RILPL2: variants seen among roughly 807,000 people sequenced by gnomAD.
RILPL2 encodes the protein Rab interacting lysosomal protein like 2, also known as RILP-like protein 2.
RILPL2 carries 19 observed loss-of-function variants against 22.2 expected under a neutral mutation model. The ratio of observed to expected loss-of-function variants is 0.86; its 90% CI spans 0.60 to 1.25. RILPL2 has a LOEUF of 1.25. RILPL2 is among the 50% of genes most tolerant of loss of function. The probability of loss-of-function intolerance (pLI) is 0.00; values close to 1 mark genes in which losing one functional copy is unlikely to be tolerated. For synonymous variants in RILPL2, 123 were observed against 111.6 expected (o/e 1.10, Z -0.64); for missense variants, 243 against 263.6 (o/e 0.92, Z 0.54).
chr12:123,424,380 G>A (rs1219070920), intron 2 of RILPL2, among the ~76,000 whole-genome samples: 2 of 139,702 alleles, frequency 1.4e-5, no homozygotes, highest in Non-Finnish European at 3.0e-5. Context: ...CGCCCAGACT[G>A]GAGTGCAGTG....
At chr12:123,419,096 T>C (rs1879203876) in intron 3 of RILPL2, among the ~76,000 whole-genome samples, 1 of 151,286 alleles carries the variant, frequency 6.6e-6, no homozygotes, top group South Asian at 2.1e-4. Flanking sequence ...CTGCAAGCTC[T>C]GCCTGCTGGG....
Position 123,430,515 on chromosome 12 carries a change from A to T in RILPL2, c.484T>A (p.Tyr162Asn), listed in dbSNP as rs758083924. Residue 162 changes from tyrosine (Y) to asparagine (N), a missense_variant, in exon 2 of 4, where the codon TAC (tyrosine) becomes AAC (asparagine). Physicochemically the swap from Tyr to Asn is moderately radical, Grantham distance 143. Coordinates refer to ENST00000280571, the MANE Select transcript of RILPL2 (RefSeq NM_145058.3). ...LLVVQEELQC[Y>N]KSGLIPPREG... ...CCAGGCAGTGGAGCCCACCTCTTGT[A>T]GCACTGCAGCTCTTCCTGCACCACC... 2 of 1,605,368 alleles carry T rather than the reference A, an allele frequency of 1.2e-6. No individual in the cohort carries two copies. The highest frequency in any genetic ancestry group is 4.5e-5 in the East Asian group (2 of 44,184).
intron 2 of RILPL2, among the ~76,000 whole-genome samples, chr12:123,427,221 G>A (rs1593492411): frequency 6.6e-6 from 1 of 152,116 alleles, no homozygotes; most frequent in Non-Finnish European, 1.5e-5. Flanking sequence ...CAGCAGGTGC[G>A]CCCTGGTTCT....
At chr12:123,419,286 G>A (rs1031802044) in intron 3 of RILPL2, among the ~76,000 whole-genome samples, 3 of 152,036 alleles carry the variant, frequency 2.0e-5, no homozygotes, top group African/African-American at 7.2e-5. Context: ...GCCTCCCAAA[G>A]TGCTGGGATT....
chr12:123,434,584 C>T (rs558640692), intron 1 of RILPL2, among the ~76,000 whole-genome samples: 12 of 151,974 alleles, frequency 7.9e-5, no homozygotes, highest in South Asian at 2.1e-4. Context: ...CCACCACGCC[C>T]GGCTAATTTT....
At chr12:123,411,523 C>A (rs1269026971), downstream of RILPL2, 1 of 148,142 alleles carries the variant, frequency 6.8e-6, no homozygotes, top group African/African-American at 2.5e-5. Context: ...CAACCACCTC[C>A]TGTGCCTTCT....
At chr12:123,434,158 C>A (rs976967253) in intron 1 of RILPL2, among the ~76,000 whole-genome samples, 7 of 152,078 alleles carry the variant, frequency 4.6e-5, no homozygotes, top group African/African-American at 1.7e-4. Flanking sequence ...GTGGCTCAGG[C>A]CTGTAATCCC....
chr12:123,421,671 CTTTTTTTTTTTTTTT>C (rs561071129), intron 3 of RILPL2, among the ~76,000 whole-genome samples: 3 of 135,792 alleles, frequency 2.2e-5, no homozygotes, highest in African/African-American at 8.1e-5. Flanking sequence ...TGGGTTATTC[CTTTTTTTTTTTTTTT>C]TTTTTGAGTC....
intron 3 of RILPL2, among the ~76,000 whole-genome samples, chr12:123,419,356 A>C (rs571937889): frequency 7.9e-5 from 12 of 152,212 alleles, no homozygotes; most frequent in African/African-American, 2.9e-4. Context: ...TGAATTTTAC[A>C]CAAGCACCTC....
chr12:123,417,348 C>G (rs1274915297), intron 3 of RILPL2, among the ~76,000 whole-genome samples: 1 of 151,782 alleles, frequency 6.6e-6, no homozygotes, highest in Non-Finnish European at 1.5e-5. Flanking sequence ...TTACTTTGAC[C>G]CTGTCTCCCA....
intron 2 of RILPL2, among the ~76,000 whole-genome samples, chr12:123,428,171 C>T (rs1593492863): frequency 6.6e-6 from 1 of 152,268 alleles, no homozygotes; most frequent in Admixed American, 6.5e-5. Context: ...GAGTCTCGCT[C>T]TTCCGCCCAG....
At chr12:123,410,878 A>C (rs544078227), downstream of RILPL2, 1 of 152,184 alleles carries the variant, frequency 6.6e-6, no homozygotes, top group Non-Finnish European at 1.5e-5. Context: ...TGTAGTTGCT[A>C]TATTTATTTG....
intron 1 of RILPL2, among the ~76,000 whole-genome samples, chr12:123,432,423 T>G (rs1879678436): frequency 6.6e-6 from 1 of 152,182 alleles, no homozygotes; most frequent in Admixed American, 6.5e-5. Flanking sequence ...GAGGATCACC[T>G]GAGCCCAGGG....
intron 1 of RILPL2, among the ~76,000 whole-genome samples, chr12:123,431,685 G>T (rs983671846): frequency 1.3e-5 from 2 of 151,650 alleles, no homozygotes; most frequent in African/African-American, 2.4e-5. Flanking sequence ...AGTTAGCCAG[G>T]CGTGGTGGCA....
chr12:123,431,405 G>A (rs1459502596), intron 1 of RILPL2, among the ~76,000 whole-genome samples: 1 of 151,678 alleles, frequency 6.6e-6, no homozygotes, highest in Non-Finnish European at 1.5e-5. Flanking sequence ...GGGAGGGGAA[G>A]GAGACGTTGT....
chr12:123,431,729 G>C (rs542885892), intron 1 of RILPL2, among the ~76,000 whole-genome samples: 3 of 151,146 alleles, frequency 2.0e-5, no homozygotes, highest in Non-Finnish European at 3.0e-5. Context: ...AGGAGGCTGA[G>C]GCAGGAGAAC....
At chr12:123,435,019 G>A (rs28818622) in intron 1 of RILPL2, among the ~76,000 whole-genome samples, 37 of 145,828 alleles carry the variant, frequency 2.5e-4, no homozygotes, top group Middle Eastern at 3.5e-3. Context: ...TACCAAAAAA[G>A]AAAAAAAAAA....
intron 2 of RILPL2, among the ~76,000 whole-genome samples, chr12:123,429,207 C>T (rs1414602679): frequency 6.6e-6 from 1 of 151,914 alleles, no homozygotes; most frequent in Non-Finnish European, 1.5e-5. Flanking sequence ...CCAGGCTGGC[C>T]TTGAATCCCT....
At chr12:123,433,133 C>T (rs1166885801) in intron 1 of RILPL2, among the ~76,000 whole-genome samples, 1 of 139,296 alleles carries the variant, frequency 7.2e-6, no homozygotes, top group Non-Finnish European at 1.5e-5. Context: ...GAGACGAAGT[C>T]GTCTCGCTCT....
Sources: gnomAD v4.1 joint callset for allele counts (sites outside exome capture counted in the v4.1 genomes callset) on GRCh38, gnomAD v4.1.1 for gene constraint, MANE v1.5 for transcripts, NCBI Gene and HGNC (gene_info 2026-07-23, HGNC 2026-07-21) for gene names.